SKIL: variants seen among roughly 807,000 people sequenced by gnomAD.
SKIL encodes the protein ski-like protein.
Under a neutral mutation model 69.6 loss-of-function variants are expected in SKIL, and 20 were observed. That is an observed-to-expected ratio of 0.29 (90% CI 0.20 to 0.42). SKIL has a LOEUF of 0.42. SKIL is among the 10% of genes least tolerant of loss of function. SKIL has a pLI of 1.00. For missense variants in SKIL, 745 were observed against 783.1 expected, an observed-to-expected ratio of 0.95 and a Z score of 0.58; for synonymous variants, 310 against 279.9, an observed-to-expected ratio of 1.11 and a Z score of -1.08.
At position 170,381,272 on chromosome 3, in the gene SKIL, A is replaced by G. The variant is rs2108214420; in HGVS notation, c.1127A>G (p.Gln376Arg). 6.3e-7 allele frequency: 1 copy of G among 1,594,224 alleles called. No individual in the cohort carries two copies. The highest frequency in any genetic ancestry group is 1.7e-5 in the Admixed American group (1 of 59,982). Residue 376 changes from glutamine to arginine, a missense_variant, in exon 3 of 7, where the codon CAG becomes CGG. Physicochemically the swap from Gln to Arg is conservative, Grantham distance 43. Coordinates refer to ENST00000259119, the MANE Select transcript of SKIL (RefSeq NM_005414.5). ...KTDAPSGMEL[Q>R]SWYPVIKQEG... ...GATGCACCATCAGGAATGGAATTAC[A>G]GTCATGGTATCCTGTTATAAAGCAG... is the stretch of plus-strand genomic sequence containing the variant.
chr3:170,373,576 T>C (rs1445694013), intron 2 of SKIL, among the ~76,000 whole-genome samples: 1 of 152,228 alleles, frequency 6.6e-6, no homozygotes, highest in African/African-American at 2.4e-5. Context: ...TTTCTTTAGT[T>C]CATTAATGTT....
At chr3:170,364,820 G>A (rs1335932653) in intron 2 of SKIL, among the ~76,000 whole-genome samples, 1 of 152,124 alleles carries the variant, frequency 6.6e-6, no homozygotes, top group Admixed American at 6.6e-5. Flanking sequence ...CGTCTGGGAT[G>A]TAATCCCTTT....
intron 2 of SKIL, among the ~76,000 whole-genome samples, chr3:170,377,172 T>G (rs1417696448): frequency 1.3e-5 from 2 of 152,186 alleles, no homozygotes; most frequent in Non-Finnish European, 2.9e-5. Flanking sequence ...CAGTTTGTTT[T>G]ATAAATAAGC....
chr3:170,380,534 C>T (rs750300702), intron 2 of SKIL, among the ~76,000 whole-genome samples: 1 of 151,908 alleles, frequency 6.6e-6, no homozygotes, highest in Non-Finnish European at 1.5e-5. Context: ...ATCCCAGCTA[C>T]TCAGGATACT....
chr3:170,378,591 AC>A (rs1483342246), intron 2 of SKIL, among the ~76,000 whole-genome samples: 1 of 119,824 alleles, frequency 8.3e-6, no homozygotes, highest in African/African-American at 3.1e-5. Flanking sequence ...TTGCTCTGTC[AC>A]CCAGGTTGGA....
intron 4 of SKIL, among the ~76,000 whole-genome samples, chr3:170,387,695 G>A (rs1431460506): frequency 2.0e-5 from 3 of 146,722 alleles, no homozygotes; most frequent in Admixed American, 7.0e-5. Flanking sequence ...AGGCCGAGGC[G>A]GGCGGATCAC....
intron 3 of SKIL, among the ~76,000 whole-genome samples, chr3:170,384,077 A>G (rs1433330913): frequency 2.0e-5 from 3 of 151,124 alleles, no homozygotes; most frequent in Non-Finnish European, 4.4e-5. Context: ...CAAGCTGGTT[A>G]TGGTTGCTTA....
At chr3:170,363,392 A>AGTTTGCT (rs1341775692) in intron 2 of SKIL, among the ~76,000 whole-genome samples, 3 of 152,180 alleles carry the variant, frequency 2.0e-5, no homozygotes, top group Non-Finnish European at 4.4e-5. Context: ...CATTTATGGT[A>AGTTTGCT]GTTTGCTGCT....
chr3:170,358,985 G>T (rs1736080024), intron 1 of SKIL, among the ~76,000 whole-genome samples: 1 of 152,158 alleles, frequency 6.6e-6, no homozygotes, highest in Admixed American at 6.6e-5. Context: ...GTTACATATG[G>T]TAGATATGTT....
chr3:170,378,889 T>A (rs1167840272), intron 2 of SKIL, among the ~76,000 whole-genome samples: 1 of 151,102 alleles, frequency 6.6e-6, no homozygotes, highest in Non-Finnish European at 1.5e-5. Context: ...TTATTTTTTT[T>A]ATCTTGAGAT....
intron 3 of SKIL, among the ~76,000 whole-genome samples, chr3:170,384,264 G>T (rs1577438811): frequency 6.6e-6 from 1 of 152,028 alleles, no homozygotes; most frequent in South Asian, 2.1e-4. Flanking sequence ...GGAGTTAGAG[G>T]TTACAGTGAG....
rs1738086014 is a variant in SKIL at position 170,394,319 on chromosome 3, A to C, written c.*1902A>C. On this transcript the variant is annotated 3_prime_UTR_variant, in exon 7 of 7. Coordinates refer to ENST00000259119, the MANE Select transcript of SKIL (RefSeq NM_005414.5). ...TTTTTAGAAACAAATATTTAAAATG[A>C]CATATTCTCCCAATACAATCTATTT... 6.6e-6 allele frequency: 1 copy of C among 151,940 alleles called. No homozygotes were observed. Among genetic ancestry groups the C allele is most frequent in the Admixed American group, 6.6e-5 (1 of 15,226 alleles). 9.4% of individuals were successfully genotyped at this position (151,940 alleles called of 1,614,324 possible).
At chr3:170,383,426 T>C (rs1240232121) in intron 3 of SKIL, among the ~76,000 whole-genome samples, 1 of 152,032 alleles carries the variant, frequency 6.6e-6, no homozygotes, top group Non-Finnish European at 1.5e-5. Flanking sequence ...GGGGATAGAG[T>C]GTCAAGTCTT....
chr3:170,380,157 G>T (rs1467660471), intron 2 of SKIL, among the ~76,000 whole-genome samples: 1 of 151,994 alleles, frequency 6.6e-6, no homozygotes, highest in African/African-American at 2.4e-5. Context: ...TATTTATTAG[G>T]AAATATAGTT....
Position 170,391,017 on chromosome 3 carries a change from G to T in SKIL, c.1672-19G>T. The stretch of plus-strand genomic sequence containing the variant: ...GTGAAAATAAAGTAAAACTTGTATT[G>T]TGATTCTTTACATTACAGGAAGTAA... On this transcript the variant is annotated intron_variant, in intron 5 of 6. Coordinates refer to ENST00000259119, the MANE Select transcript of SKIL (RefSeq NM_005414.5). The T allele has an allele frequency of 7.7e-7, 1 of 1,300,286 alleles. No homozygotes were observed. The highest frequency in any genetic ancestry group is 1.1e-6 in the Non-Finnish European group (1 of 913,402). The allele number at this position is 1,300,286 out of a possible 1,614,324, so 80.5% of individuals were successfully genotyped here. A position where few individuals can be genotyped will look rare whatever the true frequency, so the allele number is the denominator to read the frequency against.
In SKIL at chr3:170,360,972, A is replaced by C; in HGVS notation, c.641A>C (p.Asn214Thr). ...AAGGTACTGGGCATACTTCCATTCA[A>C]TGCCCCATCCTGTGGGCTGATTACA... ...ILKVLGILPF[N>T]APSCGLITLT... Residue 214 changes from asparagine to threonine, a missense_variant, in exon 2 of 7, where the codon AAT becomes ACT. Physicochemically the swap from Asn to Thr is moderately conservative, Grantham distance 65. Coordinates refer to ENST00000259119, the MANE Select transcript of SKIL (RefSeq NM_005414.5). 1 of 1,614,192 alleles carries C rather than the reference A, an allele frequency of 6.2e-7. No individual in the cohort carries two copies.
chr3:170,365,751 G>GATTTTTTT lies in SKIL; in HGVS notation c.1098+4322_1098+4323insATTTTTTT, dbSNP rs1560207824. Among the ~76,000 whole-genome samples the GATTTTTTT allele has an allele frequency of 6.2e-4, 57 of 92,422 alleles. 1 individual carries two copies. The highest frequency in any genetic ancestry group is 2.5e-3 in the African/African-American group (47 of 18,758). 60.6% of individuals were successfully genotyped at this position (92,422 alleles called of 152,430 possible). A position where few individuals can be genotyped will look rare whatever the true frequency, so the allele number is the denominator to read the frequency against. ...AGCTCATTTTAAAAAGTCAAACTAG[G>GATTTTTTT]CTTTTTTTTTTTTTTTTTTTTTGAG... On this transcript the variant is annotated intron_variant, in intron 2 of 6. Transcript: ENST00000259119.
chr3:170,381,630 A>G (rs1455887172), intron 3 of SKIL, among the ~76,000 whole-genome samples: 1 of 151,524 alleles, frequency 6.6e-6, no homozygotes, highest in Non-Finnish European at 1.5e-5. Context: ...ATGGGGTTTC[A>G]CAGTGTTGGC....
chr3:170,365,186 G>A (rs1736438776), intron 2 of SKIL, among the ~76,000 whole-genome samples: 1 of 152,186 alleles, frequency 6.6e-6, no homozygotes, highest in Non-Finnish European at 1.5e-5. Flanking sequence ...CCTCTTAGAT[G>A]AGTCACATGC....
Sources: gnomAD v4.1 joint callset for allele counts (sites outside exome capture counted in the v4.1 genomes callset) on GRCh38, gnomAD v4.1.1 for gene constraint, MANE v1.5 for transcripts, NCBI Gene and HGNC (gene_info 2026-07-23, HGNC 2026-07-21) for gene names.